Variants in PPP4R2 observed in about 807,000 individuals in gnomAD.
PPP4R2 encodes serine/threonine-protein phosphatase 4 regulatory subunit 2.
PPP4R2 carries 13 observed loss-of-function variants against 47.2 expected under a neutral mutation model. That is an observed-to-expected ratio of 0.28 (90% CI 0.18 to 0.44). The LOEUF (loss-of-function observed/expected upper bound fraction) is 0.44, where lower values mean the gene tolerates loss of function less well. Among genes scored for constraint, PPP4R2 ranks in the 20% least tolerant of loss-of-function variants. The pLI is 1.00. For missense variants in PPP4R2, 421 were observed against 491.2 expected, an observed-to-expected ratio of 0.86 and a Z score of 1.35; for synonymous variants, 151 against 163.3, an observed-to-expected ratio of 0.92 and a Z score of 0.57.
chr3:73,003,169 T>C (rs1701516364), intron 2 of PPP4R2, among the ~76,000 whole-genome samples: 1 of 152,076 alleles, frequency 6.6e-6, no homozygotes, highest in African/African-American at 2.4e-5. Flanking sequence ...TAAAAGTTTT[T>C]CTGTCTCCCT....
At chr3:73,028,788 T>G (rs535154732) in intron 2 of PPP4R2, among the ~76,000 whole-genome samples, 2 of 152,038 alleles carry the variant, frequency 1.3e-5, no homozygotes, top group South Asian at 4.2e-4. Flanking sequence ...GTAGGACTAG[T>G]GTGTCTAGCC....
At chr3:73,031,970 G>C (rs1255328540) in intron 2 of PPP4R2, among the ~76,000 whole-genome samples, 1 of 152,148 alleles carries the variant, frequency 6.6e-6, no homozygotes, top group Non-Finnish European at 1.5e-5. Flanking sequence ...TATTATCCCT[G>C]TTTCACAGAT....
At chr3:73,048,428 T>A (rs993589756) in intron 3 of PPP4R2, among the ~76,000 whole-genome samples, 1 of 151,690 alleles carries the variant, frequency 6.6e-6, no homozygotes, top group Non-Finnish European at 1.5e-5. Context: ...CTAATTTTTT[T>A]ATTTTTTAAT....
Position 73,033,453 on chromosome 3 carries a change from T to C in PPP4R2, c.117-13733T>C, listed in dbSNP as rs1289720587. Among the ~76,000 whole-genome samples, 3 of 152,232 alleles carry C rather than the reference T, an allele frequency of 2.0e-5. No homozygotes were observed. In the East Asian group the frequency reaches 5.8e-4, roughly 29 times the overall value. On this transcript the variant is annotated intron_variant, in intron 2 of 8. Transcript: ENST00000356692. ...TGTGTTGGTCACTCTTCAGCAACTC[T>C]TGTGAGTTCTCTTAATTTGAAAACT...
intron 2 of PPP4R2, among the ~76,000 whole-genome samples, chr3:73,013,893 G>T (rs2107232212): frequency 6.6e-6 from 1 of 152,236 alleles, no homozygotes; most frequent in East Asian, 1.9e-4. Flanking sequence ...CGCCTGCCTT[G>T]GCCTCCCAAA....
chr3:73,036,712 A>G (rs1702267749), intron 2 of PPP4R2, among the ~76,000 whole-genome samples: 1 of 152,170 alleles, frequency 6.6e-6, no homozygotes, highest in Non-Finnish European at 1.5e-5. Flanking sequence ...AAAGTATGAG[A>G]TACATTCCAG....
intron 2 of PPP4R2, among the ~76,000 whole-genome samples, chr3:72,998,861 T>C (rs1366531214): frequency 6.6e-6 from 1 of 152,126 alleles, no homozygotes; most frequent in African/African-American, 2.4e-5. Context: ...TAGACAACAG[T>C]GCATCTTTGA....
chr3:73,000,776 C>T (rs1701441852), intron 2 of PPP4R2, among the ~76,000 whole-genome samples: 2 of 152,280 alleles, frequency 1.3e-5, no homozygotes, highest in East Asian at 3.9e-4. Flanking sequence ...AGAATACACT[C>T]TTCTGAAGGT....
rs1009191552 is a variant in PPP4R2 at position 73,014,404 on chromosome 3, G to A, written c.116+16246G>A. On this transcript the variant is annotated intron_variant, in intron 2 of 8. Coordinates refer to ENST00000356692, the MANE Select transcript of PPP4R2 (RefSeq NM_174907.4). ...AGGCTCAAGTGATTTTCCCACCTGA[G>A]CTTCCCCAGTAGCTAGGACTACAGG... Among the ~76,000 whole-genome samples the A allele has an allele frequency of 7.9e-5, 12 of 151,890 alleles. 3 individuals carry two copies. The highest frequency in any genetic ancestry group is 2.9e-4 in the African/African-American group (12 of 41,348).
At chr3:73,062,324 G>C (rs1265167527) in intron 5 of PPP4R2, 1 of 1,603,914 alleles carries the variant, frequency 6.2e-7, no homozygotes, top group African/African-American at 1.4e-5. Context: ...AGCTATCTGG[G>C]AAAAACAGAC....
At chr3:73,048,103 C>CTGACCTCA (rs1702524677) in intron 3 of PPP4R2, among the ~76,000 whole-genome samples, 1 of 152,142 alleles carries the variant, frequency 6.6e-6, no homozygotes, top group Non-Finnish European at 1.5e-5. Flanking sequence ...TCTCGATCTC[C>CTGACCTCA]TGACCTCATG....
chr3:72,997,995 A>G, intron 1 of PPP4R2, 82 bp from the exon 2 acceptor site: 2 of 893,774 alleles, frequency 2.2e-6, no homozygotes, highest in South Asian at 3.0e-5. Context: ...GATTTTTAAT[A>G]AGGTAAAGGA....
chr3:73,001,883 T>TC (rs1480057561), intron 2 of PPP4R2, among the ~76,000 whole-genome samples: 5 of 152,228 alleles, frequency 3.3e-5, no homozygotes, highest in African/African-American at 7.2e-5. Context: ...TGCCTTGGCC[T>TC]CCCAAACTGC....
At chr3:72,997,168 C>T (rs1194994914) in intron 1 of PPP4R2, 97 bp downstream of exon 1, 2 of 1,034,402 alleles carry the variant, frequency 1.9e-6, no homozygotes, top group Non-Finnish European at 1.3e-6. Context: ...GGGCCGGGCG[C>T]GGCGTGGGGA....
At chr3:73,055,970 T>G (rs1378036154) in intron 3 of PPP4R2, among the ~76,000 whole-genome samples, 4 of 152,142 alleles carry the variant, frequency 2.6e-5, no homozygotes, top group Non-Finnish European at 5.9e-5. Flanking sequence ...CCCCCCAAAT[T>G]TAAGGATTTC....
chr3:73,065,430 A>C lies in PPP4R2; in HGVS notation c.962A>C (p.Glu321Ala). Residue 321 changes from glutamate (E) to alanine (A), a missense_variant, in exon 9 of 9, where the codon GAA becomes GCA. Glu to Ala is a moderately radical substitution (Grantham distance 107). Transcript: ENST00000356692. ...SFMTSREMIP[E>A]RKNQEKESDD... The stretch of plus-strand genomic sequence containing the variant: ...ATGACATCAAGAGAAATGATCCCAG[A>C]AAGAAAAAATCAAGAAAAAGAATCT... The C allele has an allele frequency of 6.2e-7, 1 of 1,604,662 alleles. No homozygotes were observed. The highest frequency in any genetic ancestry group is 1.1e-5 in the South Asian group (1 of 89,282).
chr3:73,024,791 A>C (rs1316856336), intron 2 of PPP4R2, among the ~76,000 whole-genome samples: 1 of 152,184 alleles, frequency 6.6e-6, no homozygotes, highest in South Asian at 2.1e-4. Flanking sequence ...TCATTTAAAA[A>C]TTTTTGCTTC....
chr3:73,019,438 A>G (rs973765246), intron 2 of PPP4R2, among the ~76,000 whole-genome samples: 7 of 152,138 alleles, frequency 4.6e-5, no homozygotes, highest in Non-Finnish European at 7.4e-5. Context: ...CAGTGGTGTG[A>G]TCTCAGCTCA....
chr3:73,023,240 A>G (rs1408503488), intron 2 of PPP4R2, among the ~76,000 whole-genome samples: 9 of 151,602 alleles, frequency 5.9e-5, no homozygotes, highest in African/African-American at 9.7e-5. Context: ...CTGGAGTGCA[A>G]TGGCGCGATC....
Sources: gnomAD v4.1 joint callset for allele counts (sites outside exome capture counted in the v4.1 genomes callset) on GRCh38, gnomAD v4.1.1 for gene constraint, MANE v1.5 for transcripts, NCBI Gene and HGNC (gene_info 2026-07-23, HGNC 2026-07-21) for gene names.